Variants in RP1L1 observed in about 807,000 individuals in gnomAD.
RP1L1 encodes the protein retinitis pigmentosa 1-like 1 protein.
Under a neutral mutation model 15.7 loss-of-function variants are expected in RP1L1, and 27 were observed. The ratio of observed to expected loss-of-function variants is 1.72; its 90% CI spans 1.27 to 2.38. The LOEUF (loss-of-function observed/expected upper bound fraction) is 2.38, where lower values mean the gene tolerates loss of function less well. Ranked by LOEUF, RP1L1 falls within the 30% of genes most tolerant of loss-of-function variation. The pLI is 0.00. For missense variants in RP1L1, 4,798 were observed against 3,075.9 expected, an observed-to-expected ratio of 1.56 and a Z score of -13.24; for synonymous variants, 1,813 against 1,276.7, an observed-to-expected ratio of 1.42 and a Z score of -8.96.
chr8:10,636,060 C>A (rs1330381277), intron 1 of RP1L1, among the ~76,000 whole-genome samples: 1 of 152,250 alleles, frequency 6.6e-6, no homozygotes, highest in Non-Finnish European at 1.5e-5. Context: ...CCTTCTGCAA[C>A]ATGCTAAAAT....
Position 10,609,637 on chromosome 8 carries a change from G to A in RP1L1, c.4461C>T (p.Gly1487=). Residue 1487 remains glycine (G), a synonymous_variant, in exon 4 of 4, where the codon GGC becomes GGT. Coordinates refer to ENST00000382483, the MANE Select transcript of RP1L1 (RefSeq NM_178857.6). ...LEKPPGATMM[G]QEHTQAQPTQ... ...TGGGTTGGGCCTGCGTGTGCTCTTG[G>A]CCCATCATGGTGGCTCCGGGCGGCT... 1 of 1,608,900 alleles carries A rather than the reference G, an allele frequency of 6.2e-7. No homozygotes were observed.
chr8:10,653,350 G>C (rs1798590032), intron 1 of RP1L1, among the ~76,000 whole-genome samples: 1 of 152,058 alleles, frequency 6.6e-6, no homozygotes, highest in South Asian at 2.1e-4. Context: ...TTCCACCTAA[G>C]AGACCAAAAC....
At position 10,608,493 on chromosome 8, in the gene RP1L1, GCTGGGCCTCCCCTTCAGCCTC is replaced by G. The variant is rs535482422; in HGVS notation, c.5584_5604del (p.Glu1862_Gln1868del). 156,423 of 1,605,996 alleles carry G rather than the reference GCTGGGCCTCCCCTTCAGCCTC, an allele frequency of 0.097. 8,638 individuals are homozygous for G. Among genetic ancestry groups the G allele is most frequent in the Non-Finnish European group, 0.11 (132,864 of 1,178,590 alleles). On this transcript the variant is annotated inframe_deletion, in exon 4 of 4. Coordinates refer to ENST00000382483, the MANE Select transcript of RP1L1 (RefSeq NM_178857.6). ...GGGGCCTCTACATCTTCTGACTCTG[GCTGGGCCTCCCCTTCAGCCTC>G]CTGGGCATCCCCTTCTGCCTCTGGG...
Position 10,612,225 on chromosome 8 carries a change from A to T in RP1L1, c.1873T>A (p.Ser625Thr), listed in dbSNP as rs1181375178. ...GAAGTGCAGGTGGAAGGGGTGGAAG[A>T]GGCTCCTTCCGAGTCCCAGGAGCAG... ...LSCSWDSEGA[S>T]STPSTCTSSQ... Residue 625 changes from serine (S) to threonine (T), a missense_variant, in exon 4 of 4, where the codon TCT becomes ACT. Ser to Thr is a moderately conservative substitution (Grantham distance 58). Transcript: ENST00000382483. 11 of 1,613,186 alleles carry T rather than the reference A, an allele frequency of 6.8e-6. No individual in the cohort carries two copies. The highest frequency in any genetic ancestry group is 9.3e-6 in the Non-Finnish European group (11 of 1,179,970).
chr8:10,649,462 T>C (rs1798527256), intron 1 of RP1L1, among the ~76,000 whole-genome samples: 1 of 152,202 alleles, frequency 6.6e-6, no homozygotes. Flanking sequence ...CGCTGTGGTC[T>C]CACTCTGACC....
chr8:10,611,699 G>A lies in RP1L1; in HGVS notation c.2399C>T (p.Pro800Leu), dbSNP rs904894112. 2.5e-6 allele frequency: 4 copies of A among 1,613,548 alleles called. No individual in the cohort carries two copies. In the East Asian group the frequency reaches 8.9e-5, roughly 36 times the overall value. The change falls in exon 4 of 4, where the codon CCT becomes CTT. Residue 800 changes from proline (P) to leucine (L), a missense_variant. Pro to Leu is a moderately conservative substitution (Grantham distance 98, BLOSUM62 -3). Coordinates refer to ENST00000382483, the MANE Select transcript of RP1L1 (RefSeq NM_178857.6). ...CAGAACCAAGGGTGAGGAGGGCTGA[G>A]GCGTGTCCCTGGCCTCTTCCCCCAG... Reference protein sequence around the residue: ...ASLGEEARDTPQPSSPLVLQV... With the variant: ...ASLGEEARDTLQPSSPLVLQV...
chr8:10,649,822 A>C (rs1345041424), intron 1 of RP1L1, among the ~76,000 whole-genome samples: 2 of 152,184 alleles, frequency 1.3e-5, no homozygotes, highest in Non-Finnish European at 2.9e-5. Context: ...CAATTCCCTG[A>C]AGCCCATGAG....
At chr8:10,628,785 T>C (rs945759095) in intron 1 of RP1L1, among the ~76,000 whole-genome samples, 6 of 152,166 alleles carry the variant, frequency 3.9e-5, no homozygotes, top group African/African-American at 1.4e-4. Context: ...ATATTGACAC[T>C]GGAAGTAGAA....
chr8:10,653,807 A>C (rs551639660), intron 1 of RP1L1, among the ~76,000 whole-genome samples: 1 of 152,334 alleles, frequency 6.6e-6, no homozygotes, highest in South Asian at 2.1e-4. Context: ...CCGAGAGGGT[A>C]AATAAAGAAC....
chr8:10,616,770 G>T (rs975266109), intron 2 of RP1L1, among the ~76,000 whole-genome samples, 183 bp from the exon 3 acceptor site: 1 of 152,130 alleles, frequency 6.6e-6, no homozygotes, highest in Non-Finnish European at 1.5e-5. Context: ...CTAGCTGGAG[G>T]CTGAGGTCCC....
intron 2 of RP1L1, 143 bp from the exon 3 acceptor site, chr8:10,616,730 T>A (rs977103288): frequency 3.3e-6 from 3 of 903,994 alleles, no homozygotes; most frequent in African/African-American, 1.7e-5. Context: ...CAAGGAGGGG[T>A]CTTATCCACT....
At position 10,624,428 on chromosome 8, in the gene RP1L1, G is replaced by C. The variant is rs192222271; in HGVS notation, c.-19-1208C>G. On this transcript the variant is annotated intron_variant, in intron 1 of 3. Transcript: ENST00000382483. ...TATACACTGGGTGTGACTGAATGCA[G>C]AGTAAAAGGAATGGCATTGCAGGTC... Among the ~76,000 whole-genome samples, 3 of 152,350 alleles carry C rather than the reference G, an allele frequency of 2.0e-5. No homozygotes were observed. In the East Asian group the frequency reaches 5.8e-4, roughly 29 times the overall value.
chr8:10,646,452 T>C (rs996299470), intron 1 of RP1L1, among the ~76,000 whole-genome samples: 1 of 152,030 alleles, frequency 6.6e-6, no homozygotes, highest in Non-Finnish European at 1.5e-5. Flanking sequence ...AATGGGTCTT[T>C]AGGATTTTGC....
intron 1 of RP1L1, among the ~76,000 whole-genome samples, chr8:10,626,369 G>A (rs923168847): frequency 2.6e-5 from 4 of 152,190 alleles, no homozygotes; most frequent in East Asian, 1.9e-4. Context: ...AATATCACAC[G>A]CGGATCACCG....
In RP1L1 at chr8:10,607,135, T is replaced by A. The variant is rs750260476; in HGVS notation, c.6963A>T (p.Gly2321=). The A allele has an allele frequency of 4.3e-6, 7 of 1,614,118 alleles. No homozygotes were observed. The highest frequency in any genetic ancestry group is 5.1e-6 in the Non-Finnish European group (6 of 1,180,046). The change falls in exon 4 of 4, where the codon GGA becomes GGT. Residue 2321 remains glycine, a synonymous_variant. Transcript: ENST00000382483. ...QKDSENDHVL[G]DTRSPDAKST... is the part of the protein sequence containing the mutation. Reference sequence around the variant, plus strand: ...ACTTGGCATCAGGGCTCCTTGTGTCTCCAAGTACATGGTCATTTTCTGAGT... The same window carrying A: ...ACTTGGCATCAGGGCTCCTTGTGTCACCAAGTACATGGTCATTTTCTGAGT...
intron 2 of RP1L1, chr8:10,621,718 C>G (rs562954636): frequency 2.4e-5 from 12 of 504,640 alleles, no homozygotes; most frequent in South Asian, 1.8e-4. Context: ...TTAGGTCAGT[C>G]AACCTCCATC....
intron 1 of RP1L1, among the ~76,000 whole-genome samples, chr8:10,641,193 G>A (rs928843573): frequency 2.0e-5 from 3 of 152,112 alleles, no homozygotes; most frequent in Admixed American, 6.6e-5. Flanking sequence ...CTTGTCCCTC[G>A]CAGTTAGATG....
At chr8:10,617,546 C>CTTTTTTTTTTTT (rs777209714) in intron 2 of RP1L1, among the ~76,000 whole-genome samples, 115 of 63,440 alleles carry the variant, frequency 1.8e-3, no homozygotes, top group African/African-American at 2.2e-3. Context: ...GTTTCTTTTT[C>CTTTTTTTTTTTT]TTTTTTTTTT....
chr8:10,651,522 A>AT (rs1323547014), intron 1 of RP1L1, among the ~76,000 whole-genome samples: 3 of 152,126 alleles, frequency 2.0e-5, no homozygotes, highest in Non-Finnish European at 4.4e-5. Context: ...GGTTCAAGAG[A>AT]TTGAGACCAT....
Sources: allele counts gnomAD v4.1 joint callset (sites outside exome capture counted in the v4.1 genomes callset), GRCh38; gene constraint gnomAD v4.1.1; transcripts MANE v1.5; gene names NCBI Gene and HGNC (gene_info 2026-07-23, HGNC 2026-07-21).